Variants in MOCOS observed in about 807,000 individuals in gnomAD.
The protein encoded by MOCOS is human molybdenum cofactor sulfurase.
Under a neutral mutation model 83.6 loss-of-function variants are expected in MOCOS, and 86 were observed. That is an observed-to-expected ratio of 1.03 (90% CI 0.86 to 1.23). MOCOS has a LOEUF of 1.23. MOCOS is among the 50% of genes most tolerant of loss of function. MOCOS has a pLI of 0.00. For synonymous variants in MOCOS, 445 were observed against 434.7 expected (o/e 1.02, Z -0.29); for missense variants, 1,120 against 1,126.9 (o/e 0.99, Z 0.09).
At chr18:36,218,769 C>G (rs1277993311) in intron 8 of MOCOS, among the ~76,000 whole-genome samples, 1 of 152,048 alleles carries the variant, frequency 6.6e-6, no homozygotes, top group Non-Finnish European at 1.5e-5. Context: ...ATCCCCCTGC[C>G]TCAACCTCCC....
chr18:36,254,199 A>T (rs1339020150), intron 11 of MOCOS, among the ~76,000 whole-genome samples: 1 of 152,108 alleles, frequency 6.6e-6, no homozygotes, highest in Non-Finnish European at 1.5e-5. Context: ...AGTTTTTTTG[A>T]GTTGGTATAC....
At chr18:36,241,533 T>C (rs910291204) in intron 9 of MOCOS, among the ~76,000 whole-genome samples, 1 of 152,206 alleles carries the variant, frequency 6.6e-6, no homozygotes, top group Non-Finnish European at 1.5e-5. Flanking sequence ...ATGGGGCTTT[T>C]CCAGGTGCAA....
intron 9 of MOCOS, among the ~76,000 whole-genome samples, chr18:36,241,997 G>A (rs2091585498): frequency 6.6e-6 from 1 of 152,214 alleles, no homozygotes; most frequent in Non-Finnish European, 1.5e-5. Context: ...TTCCTCCTAG[G>A]CCTCCGGGCC....
rs186728505 is a variant in MOCOS, at chr18:36,227,648, G to A, written c.1960+7431G>A. ...TAACCTCAGGTGATCTGCCTGTCTC[G>A]GCCTCCCAAAGTATGGGGATTATAG... On this transcript the variant is annotated intron_variant, in intron 9 of 14. Transcript: ENST00000261326. Among the ~76,000 whole-genome samples the A allele has an allele frequency of 2.5e-3, 385 of 152,144 alleles. 1 individual carries two copies. Among genetic ancestry groups the A allele is most frequent in the Non-Finnish European group, 2.4e-3 (163 of 68,008 alleles).
rs1218305735 is a variant in MOCOS, at chr18:36,269,767, G to A, written c.*1082G>A. 1 of 152,298 alleles carries A rather than the reference G, an allele frequency of 6.6e-6. No homozygotes were observed. The highest frequency in any genetic ancestry group is 1.5e-5 in the Non-Finnish European group (1 of 68,204). The allele number at this position is 152,298 out of a possible 1,614,324, so 9.4% of individuals were successfully genotyped here. Reference sequence around the variant, plus strand: ...CCAGTCCCTTCATCATCTTCCCCCTGGATGGTTGTATTTTTCCAGTCACTT... The same window carrying A: ...CCAGTCCCTTCATCATCTTCCCCCTAGATGGTTGTATTTTTCCAGTCACTT... On this transcript the variant is annotated 3_prime_UTR_variant, in exon 15 of 15. Coordinates refer to ENST00000261326, the MANE Select transcript of MOCOS (RefSeq NM_017947.4).
rs1190904954 is a variant in MOCOS at position 36,271,670 on chromosome 18, A to G, written c.*2985A>G. ...TTTTTTAAAAAAACTTGGTGAGAACAGACAATAACTTGTCTTTCTGGGCAT... is the reference window on the plus strand; with the variant it reads ...TTTTTTAAAAAAACTTGGTGAGAACGGACAATAACTTGTCTTTCTGGGCAT... On this transcript the variant is annotated 3_prime_UTR_variant, in exon 15 of 15. Transcript: ENST00000261326. 1 of 152,218 alleles carries G rather than the reference A, an allele frequency of 6.6e-6. No individual in the cohort carries two copies. Among genetic ancestry groups the G allele is most frequent in the Non-Finnish European group, 1.5e-5 (1 of 68,046 alleles). 9.4% of individuals were successfully genotyped at this position (152,218 alleles called of 1,614,324 possible).
rs560058147 is a variant in MOCOS, at chr18:36,250,662, C to G, written c.2040-497C>G. ...CAATACATTTTGGATAAACAAAATT[C>G]TAGAGGATTCTTGAGTTTTCAAACA... is the stretch of plus-strand genomic sequence containing the variant. On this transcript the variant is annotated intron_variant, in intron 10 of 14. Coordinates refer to ENST00000261326, the MANE Select transcript of MOCOS (RefSeq NM_017947.4). Among the ~76,000 whole-genome samples, 4 of 152,304 alleles carry G rather than the reference C, an allele frequency of 2.6e-5. No individual in the cohort carries two copies. The South Asian group carries it at 8.3e-4, about 32-fold the overall frequency.
Position 36,205,156 on chromosome 18 carries a change from C to A in MOCOS, c.1098C>A (p.Pro366=). 1 of 1,613,486 alleles carries A rather than the reference C, an allele frequency of 6.2e-7. No individual in the cohort carries two copies. The highest frequency in any genetic ancestry group is 8.5e-7 in the Non-Finnish European group (1 of 1,179,484). ...TYVALSSLQY[P]NGAPVVRIYS... Reference sequence around the variant, plus strand: ...TGGCCCTGTCCTCTCTCCAGTACCCCAATGGAGCCCCTGTGGTGCGGATTT... The same window carrying A: ...TGGCCCTGTCCTCTCTCCAGTACCCAAATGGAGCCCCTGTGGTGCGGATTT... The change falls in exon 6 of 15, where the codon CCC becomes CCA. Residue 366 remains proline (P), a synonymous_variant. Transcript: ENST00000261326.
chr18:36,193,923 G>A (rs1222965223), intron 1 of MOCOS, among the ~76,000 whole-genome samples: 1 of 152,182 alleles, frequency 6.6e-6, no homozygotes, highest in East Asian at 1.9e-4. Flanking sequence ...TGGATAAAAT[G>A]TGGTATATTC....
chr18:36,220,937 A>AG (rs2091493771), intron 9 of MOCOS, among the ~76,000 whole-genome samples: 1 of 151,536 alleles, frequency 6.6e-6, no homozygotes, highest in African/African-American at 2.4e-5. Context: ...TCAAAAGAAA[A>AG]AAAAAAAAAG....
chr18:36,258,872 C>T (rs547152967), intron 12 of MOCOS, among the ~76,000 whole-genome samples: 40 of 152,286 alleles, frequency 2.6e-4, no homozygotes, highest in African/African-American at 8.4e-4. Context: ...CCAGCAACTA[C>T]CACTACCTAG....
intron 9 of MOCOS, among the ~76,000 whole-genome samples, chr18:36,242,044 C>T (rs919317039): frequency 6.6e-6 from 1 of 152,226 alleles, no homozygotes; most frequent in Non-Finnish European, 1.5e-5. Flanking sequence ...CTCTGACATG[C>T]CCTGGAGACA....
chr18:36,259,827 C>T (rs536363393), intron 12 of MOCOS, among the ~76,000 whole-genome samples: 8 of 152,270 alleles, frequency 5.3e-5, no homozygotes, highest in Admixed American at 2.0e-4. Flanking sequence ...GAGATGGGAC[C>T]GTATCCCAGG....
Position 36,260,120 on chromosome 18 carries a change from G to C in MOCOS, c.2354G>C (p.Arg785Thr). ...FRANIIINGK[R>T]AFEEEKWDEI... ...GCCAATATTATTATCAATGGAAAAAGGGCTTTTGAAGAAGAGAAATGGGAT... is the reference window on the plus strand; with the variant it reads ...GCCAATATTATTATCAATGGAAAAACGGCTTTTGAAGAAGAGAAATGGGAT... Residue 785 changes from arginine (R) to threonine (T), a missense_variant, in exon 13 of 15, where the codon AGG (arginine) becomes ACG (threonine). Arg to Thr is a moderately conservative substitution (Grantham distance 71). Transcript: ENST00000261326. The C allele has an allele frequency of 6.2e-7, 1 of 1,614,114 alleles. No individual in the cohort carries two copies. The highest frequency in any genetic ancestry group is 8.5e-7 in the Non-Finnish European group (1 of 1,180,026).
chr18:36,228,836 GAAAA>G (rs34976015), intron 9 of MOCOS, among the ~76,000 whole-genome samples: 4 of 116,414 alleles, frequency 3.4e-5, no homozygotes, highest in African/African-American at 6.5e-5. Context: ...CTTAAAAGTT[GAAAA>G]AAAAAAAAAA....
At chr18:36,189,071 C>G (rs989959469) in intron 1 of MOCOS, among the ~76,000 whole-genome samples, 1 of 150,952 alleles carries the variant, frequency 6.6e-6, no homozygotes, top group Non-Finnish European at 1.5e-5. Flanking sequence ...ATATCAGCAC[C>G]GCACCTCCTT....
At chr18:36,239,203 T>A (rs1400729077) in intron 9 of MOCOS, among the ~76,000 whole-genome samples, 3 of 152,184 alleles carry the variant, frequency 2.0e-5, no homozygotes, top group African/African-American at 7.2e-5. Context: ...ATTTTGCTCG[T>A]TACTTGATGC....
At chr18:36,202,811 G>A (rs2091419795) in intron 4 of MOCOS, among the ~76,000 whole-genome samples, 1 of 152,178 alleles carries the variant, frequency 6.6e-6, no homozygotes, top group Admixed American at 6.5e-5. Flanking sequence ...AAGGCAGCAG[G>A]AGAGACAGAG....
intron 9 of MOCOS, among the ~76,000 whole-genome samples, chr18:36,242,295 G>A (rs2091586757): frequency 1.3e-5 from 2 of 152,208 alleles, no homozygotes; most frequent in East Asian, 3.9e-4. Context: ...GCATAGCAAG[G>A]TGACCTTTGA....
Sources: gnomAD v4.1 joint callset for allele counts (sites outside exome capture counted in the v4.1 genomes callset) on GRCh38, gnomAD v4.1.1 for gene constraint, MANE v1.5 for transcripts, NCBI Gene and HGNC (gene_info 2026-07-23, HGNC 2026-07-21) for gene names.